Variants in C12orf50 observed in about 807,000 individuals in gnomAD.
C12orf50 encodes the protein uncharacterized protein C12orf50.
A neutral mutation model predicts 61.6 loss-of-function variants in C12orf50; 35 were observed. The observed-to-expected ratio is 0.57, with a 90% CI of 0.43 to 0.75. C12orf50 has a LOEUF of 0.75. C12orf50 is among the 30% of genes least tolerant of loss of function. C12orf50 has a pLI of 0.00. For synonymous variants in C12orf50, 178 were observed against 161.5 expected (o/e 1.10, Z -0.77); for missense variants, 475 against 488.5 (o/e 0.97, Z 0.26).
chr12:88,025,846 C>T (rs142648303), intron 3 of C12orf50, among the ~76,000 whole-genome samples: 2 of 152,192 alleles, frequency 1.3e-5, no homozygotes, highest in Admixed American at 1.3e-4. Flanking sequence ...AATAGCCCAA[C>T]CTTCTTCAGC....
intron 7 of C12orf50, among the ~76,000 whole-genome samples, chr12:87,994,135 G>A (rs2031267705): frequency 6.6e-6 from 1 of 151,904 alleles, no homozygotes; most frequent in African/African-American, 2.4e-5. Flanking sequence ...GGGAGATGGA[G>A]GTTGCAGTGA....
At chr12:88,023,120 C>T (rs770807429) in intron 3 of C12orf50, among the ~76,000 whole-genome samples, 21 of 152,042 alleles carry the variant, frequency 1.4e-4, no homozygotes, top group Admixed American at 2.6e-4. Flanking sequence ...TACAGGTCTA[C>T]GGTAACCAAA....
At chr12:88,001,571 A>C (rs1407745495) in intron 3 of C12orf50, among the ~76,000 whole-genome samples, 6 of 150,700 alleles carry the variant, frequency 4.0e-5, no homozygotes, top group African/African-American at 1.5e-4. Flanking sequence ...AATTAGTACT[A>C]ATTTTTCTTT....
At chr12:88,003,283 G>T in intron 3 of C12orf50, among the ~76,000 whole-genome samples, 1 of 151,812 alleles carries the variant, frequency 6.6e-6, no homozygotes, top group Middle Eastern at 3.4e-3. Context: ...ATTTCTAAAT[G>T]TAACAGACTA....
intron 3 of C12orf50, among the ~76,000 whole-genome samples, chr12:88,013,834 C>G (rs1475676540): frequency 6.6e-6 from 1 of 152,068 alleles, no homozygotes; most frequent in Non-Finnish European, 1.5e-5. Flanking sequence ...TAGGTGGTGG[C>G]TGAGAACTGT....
intron 3 of C12orf50, among the ~76,000 whole-genome samples, chr12:88,021,024 T>C (rs752671400): frequency 3.9e-5 from 6 of 152,174 alleles, no homozygotes; most frequent in Non-Finnish European, 7.3e-5. Flanking sequence ...TTCTCTGAGA[T>C]ACAGCTAACT....
chr12:88,006,302 G>A (rs771315015), intron 3 of C12orf50, among the ~76,000 whole-genome samples: 1 of 152,096 alleles, frequency 6.6e-6, no homozygotes, highest in Non-Finnish European at 1.5e-5. Flanking sequence ...TGCTCTCATG[G>A]AGCTACTAGC....
intron 3 of C12orf50, among the ~76,000 whole-genome samples, chr12:88,020,602 A>G (rs1012881857): frequency 6.6e-6 from 1 of 152,022 alleles, no homozygotes. Context: ...AGACTTCAAC[A>G]CTCCACTGAC....
chr12:87,984,453 G>A (rs140883564), intron 11 of C12orf50: 1 of 152,158 alleles, frequency 6.6e-6, no homozygotes, highest in East Asian at 1.9e-4. Context: ...ATGTTTATTA[G>A]AGCTTTTATT....
chr12:88,008,102 G>C (rs1056862473), intron 3 of C12orf50, among the ~76,000 whole-genome samples: 9 of 152,020 alleles, frequency 5.9e-5, no homozygotes, highest in East Asian at 5.8e-4. Flanking sequence ...TACACGTGCA[G>C]GTTTGTTATA....
At chr12:87,992,669 T>C (rs1474067168) in intron 7 of C12orf50, among the ~76,000 whole-genome samples, 1 of 152,108 alleles carries the variant, frequency 6.6e-6, no homozygotes, top group African/African-American at 2.4e-5. Context: ...CCTATAGTAA[T>C]AGCGACCAGA....
rs201471959 is a variant in C12orf50 at position 87,985,221 on chromosome 12, G to A, written c.1126+629C>T. 3 of 152,126 alleles carry A rather than the reference G, an allele frequency of 2.0e-5. No individual in the cohort carries two copies. In the East Asian group the frequency reaches 5.8e-4, roughly 29 times the overall value. The allele number at this position is 152,126 out of a possible 1,614,324, so 9.4% of individuals were successfully genotyped here. ...ATAGAATTGAGCAGCATTTTGTTAAGTTTAGAGAACTGAAACCCAACTTCA... is the reference window on the plus strand; with the variant it reads ...ATAGAATTGAGCAGCATTTTGTTAAATTTAGAGAACTGAAACCCAACTTCA... On this transcript the variant is annotated intron_variant, in intron 11 of 12. Transcript: ENST00000298699.
At chr12:88,005,058 AT>A (rs2031804470) in intron 3 of C12orf50, among the ~76,000 whole-genome samples, 1 of 152,198 alleles carries the variant, frequency 6.6e-6, no homozygotes, top group Non-Finnish European at 1.5e-5. Context: ...TAAAAAAAAA[AT>A]CAATGCATAG....
At chr12:88,016,392 G>A (rs1184579657) in intron 3 of C12orf50, among the ~76,000 whole-genome samples, 1 of 152,022 alleles carries the variant, frequency 6.6e-6, no homozygotes, top group African/African-American at 2.4e-5. Flanking sequence ...AAGATTTATG[G>A]CCCCAGTTTT....
chr12:87,994,517 C>A (rs554857855), intron 7 of C12orf50, 116 bp downstream of exon 7: 4 of 762,358 alleles, frequency 5.2e-6, no homozygotes, highest in Middle Eastern at 5.1e-4. Context: ...TACCTCCAAA[C>A]TCTTGTGTTA....
intron 3 of C12orf50, among the ~76,000 whole-genome samples, chr12:88,004,518 T>C (rs1199191671): frequency 2.0e-5 from 3 of 152,126 alleles, no homozygotes; most frequent in African/African-American, 4.8e-5. Context: ...AAAACAGAAA[T>C]ACCATTTGAC....
intron 11 of C12orf50, 198 bp downstream of exon 11, chr12:87,985,652 C>T: frequency 1.6e-6 from 1 of 619,460 alleles, no homozygotes; most frequent in Admixed American, 3.0e-5. Context: ...CTGCACACAA[C>T]ATGAGTTTTC....
upstream of C12orf50, chr12:88,029,538 A>G (rs531392724): frequency 3.3e-5 from 5 of 152,332 alleles, no homozygotes; most frequent in Admixed American, 1.3e-4. Flanking sequence ...CAGTTTTAGC[A>G]TATTAACTAC....
At chr12:88,008,127 C>T (rs1022914017) in intron 3 of C12orf50, among the ~76,000 whole-genome samples, 1 of 151,550 alleles carries the variant, frequency 6.6e-6, no homozygotes, top group African/African-American at 2.4e-5. Flanking sequence ...TAAACTTGTA[C>T]CATGGGGGTT....
Sources: gnomAD v4.1 joint callset for allele counts (sites outside exome capture counted in the v4.1 genomes callset) on GRCh38, gnomAD v4.1.1 for gene constraint, MANE v1.5 for transcripts, NCBI Gene and HGNC (gene_info 2026-07-23, HGNC 2026-07-21) for gene names.